TMEM65: variants seen among roughly 807,000 people sequenced by gnomAD.
TMEM65 encodes transmembrane protein 65.
A neutral mutation model predicts 25.4 loss-of-function variants in TMEM65; 22 were observed. The ratio of observed to expected loss-of-function variants is 0.86; its 90% CI spans 0.62 to 1.23. The LOEUF is 1.23. TMEM65 is among the 50% of genes most tolerant of loss of function. The pLI is 0.00. For synonymous variants in TMEM65, 132 were observed against 126.2 expected, an observed-to-expected ratio of 1.05 and a Z score of -0.31; for missense variants, 262 against 308.2, an observed-to-expected ratio of 0.85 and a Z score of 1.12.
At chr8:124,331,980 C>T (rs1296317305) in intron 1 of TMEM65, among the ~76,000 whole-genome samples, 1 of 151,956 alleles carries the variant, frequency 6.6e-6, no homozygotes, top group Non-Finnish European at 1.5e-5. Context: ...ACACTAAAAC[C>T]TCGAGTTTAA....
chr8:124,322,461 C>T (rs1412540463), intron 4 of TMEM65, among the ~76,000 whole-genome samples: 1 of 152,066 alleles, frequency 6.6e-6, no homozygotes, highest in Non-Finnish European at 1.5e-5. Context: ...GGTAAAGTTG[C>T]ATGTACAGCT....
chr8:124,351,632 T>G (rs1313164871), intron 1 of TMEM65, among the ~76,000 whole-genome samples: 1 of 152,182 alleles, frequency 6.6e-6, no homozygotes, highest in Non-Finnish European at 1.5e-5. Flanking sequence ...CATTTTATCC[T>G]TTACATTTTC....
chr8:124,357,331 T>C lies in TMEM65; in HGVS notation c.304+14523A>G, dbSNP rs917394400. ...GTTATCTCACAATACCCAGTAAAGC[T>C]GAAAATGAACTCAAAGTCTGGAGAG... On this transcript the variant is annotated intron_variant, in intron 1 of 6. Transcript: ENST00000297632. 1.1e-4 allele frequency among the ~76,000 whole-genome samples: 17 copies of C among 152,158 alleles called. No homozygotes were observed. In the East Asian group the frequency reaches 3.1e-3, roughly 28 times the overall value.
chr8:124,314,159 T>A, intron 6 of TMEM65, 98 bp from the exon 7 acceptor site: 1 of 869,952 alleles, frequency 1.1e-6, no homozygotes, highest in Non-Finnish European at 1.9e-6. Context: ...ATATTTGGAT[T>A]TGCTACCCTT....
intron 1 of TMEM65, among the ~76,000 whole-genome samples, chr8:124,350,070 A>C (rs115607174): frequency 0.029 from 4,374 of 152,094 alleles, 227 homozygotes; most frequent in African/African-American, 0.099. Context: ...TGGAGCTGGC[A>C]AAGTAAGAGT....
rs1814149883 is a variant in TMEM65, at chr8:124,310,897, T to C, written c.*3063A>G. 1 of 152,002 alleles carries C rather than the reference T, an allele frequency of 6.6e-6. No individual in the cohort carries two copies. Among genetic ancestry groups the C allele is most frequent in the South Asian group, 2.1e-4 (1 of 4,816 alleles). 9.4% of individuals were successfully genotyped at this position (152,002 alleles called of 1,614,324 possible). ...AAGGTACTGCATTACCACACAATAA[T>C]AATATACATAAAGATAATGCTTAGC... is the stretch of plus-strand genomic sequence containing the variant. On this transcript the variant is annotated 3_prime_UTR_variant, in exon 7 of 7. Transcript: ENST00000297632.
At chr8:124,346,517 T>C (rs1420371724) in intron 1 of TMEM65, among the ~76,000 whole-genome samples, 1 of 151,930 alleles carries the variant, frequency 6.6e-6, no homozygotes, top group Non-Finnish European at 1.5e-5. Context: ...AATATAAAAA[T>C]CACAAATGAA....
rs149019113 is a variant in TMEM65 at position 124,345,877 on chromosome 8, G to A, written c.305-15085C>T. 2.6e-3 allele frequency among the ~76,000 whole-genome samples: 401 copies of A among 152,178 alleles called. 2 individuals are homozygous for A. Among genetic ancestry groups the A allele is most frequent in the African/African-American group, 7.8e-3 (325 of 41,504 alleles). On this transcript the variant is annotated intron_variant, in intron 1 of 6. Transcript: ENST00000297632. ...TTCTGCCTCAGCCTCCAGAGTAGCT[G>A]GGATTACAGGCACATGCCACCATGC... is the stretch of plus-strand genomic sequence containing the variant.
chr8:124,323,273 G>T, intron 4 of TMEM65, 48 bp downstream of exon 4: 3 of 1,070,224 alleles, frequency 2.8e-6, no homozygotes, highest in South Asian at 1.5e-5. Flanking sequence ...CTACTGAAAT[G>T]TTTTATAAGT....
At chr8:124,362,535 G>A (rs575108003) in intron 1 of TMEM65, among the ~76,000 whole-genome samples, 3 of 151,744 alleles carry the variant, frequency 2.0e-5, no homozygotes, top group East Asian at 2.0e-4. Context: ...GGTGGTGTAC[G>A]CCTGTAGTAC....
rs111784722 is a variant in TMEM65 at position 124,315,700 on chromosome 8, C to G, written c.622-1639G>C. The stretch of plus-strand genomic sequence containing the variant: ...TAGCTTGCATAAAAATTTTTCAACT[C>G]TTATTTTGAGGCTTTTGGTGGTGGT... On this transcript the variant is annotated intron_variant, in intron 6 of 6. Transcript: ENST00000297632. Among the ~76,000 whole-genome samples the G allele has an allele frequency of 1.6e-4, 25 of 152,048 alleles. No individual in the cohort carries two copies. In the East Asian group the frequency reaches 4.8e-3, roughly 29 times the overall value.
chr8:124,315,329 GT>G (rs1426529969), intron 6 of TMEM65, among the ~76,000 whole-genome samples: 4 of 142,100 alleles, frequency 2.8e-5, no homozygotes, highest in Admixed American at 7.0e-5. Context: ...TTTTTTGTTT[GT>G]TTTTTTTTTG....
chr8:124,322,399 T>C (rs1057156095), intron 4 of TMEM65, among the ~76,000 whole-genome samples: 2 of 152,222 alleles, frequency 1.3e-5, no homozygotes, highest in Admixed American at 1.3e-4. Flanking sequence ...TTGGTTTCAA[T>C]ATTAATTGTA....
At chr8:124,354,574 C>A (rs1196105637) in intron 1 of TMEM65, among the ~76,000 whole-genome samples, 1 of 152,210 alleles carries the variant, frequency 6.6e-6, no homozygotes, top group Admixed American at 6.5e-5. Context: ...GCCCAGGGCA[C>A]TCCACATCTA....
At chr8:124,361,673 AAAAAATAC>A (rs1814863624) in intron 1 of TMEM65, among the ~76,000 whole-genome samples, 1 of 150,536 alleles carries the variant, frequency 6.6e-6, no homozygotes, top group African/African-American at 2.4e-5. Flanking sequence ...GTCTCTATTT[AAAAAATAC>A]AAAAATTAGC....
At chr8:124,364,045 T>A (rs1814908450) in intron 1 of TMEM65, among the ~76,000 whole-genome samples, 1 of 151,964 alleles carries the variant, frequency 6.6e-6, no homozygotes, top group Non-Finnish European at 1.5e-5. Context: ...CAAAGAAAGA[T>A]CTTTAGTACA....
At chr8:124,334,430 A>G (rs552083189) in intron 1 of TMEM65, among the ~76,000 whole-genome samples, 1 of 152,174 alleles carries the variant, frequency 6.6e-6, no homozygotes, top group Non-Finnish European at 1.5e-5. Context: ...AAAAGAACCA[A>G]TAAAAAGTTC....
In TMEM65 at chr8:124,306,992, C is replaced by G. The variant is rs926749505; in HGVS notation, c.*6968G>C. The G allele has an allele frequency of 1.3e-5, 2 of 151,990 alleles. No individual in the cohort carries two copies. The highest frequency in any genetic ancestry group is 2.9e-5 in the Non-Finnish European group (2 of 68,016). The allele number at this position is 151,990 out of a possible 1,614,324, so 9.4% of individuals were successfully genotyped here. On this transcript the variant is annotated 3_prime_UTR_variant, in exon 7 of 7. Transcript: ENST00000297632. ...AATTTATCAAAACTTAACGCATACA[C>G]AGACTATACATTGGAGCCATTTGCA...
chr8:124,331,396 T>C (rs1814429935), intron 1 of TMEM65, among the ~76,000 whole-genome samples: 1 of 148,098 alleles, frequency 6.8e-6, no homozygotes, highest in Non-Finnish European at 1.5e-5. Flanking sequence ...TTAATTAATA[T>C]ATAAGATATA....
Sources: gnomAD v4.1 joint callset for allele counts (sites outside exome capture counted in the v4.1 genomes callset) on GRCh38, gnomAD v4.1.1 for gene constraint, MANE v1.5 for transcripts, NCBI Gene and HGNC (gene_info 2026-07-23, HGNC 2026-07-21) for gene names.